CEMIP2: variants seen among roughly 807,000 people sequenced by gnomAD.
CEMIP2 encodes cell migration inducing hyaluronidase 2.
CEMIP2 carries 79 observed loss-of-function variants against 146.9 expected under a neutral mutation model. That is an observed-to-expected ratio of 0.54 (90% CI 0.45 to 0.65). The LOEUF (loss-of-function observed/expected upper bound fraction) is 0.65. Ranked by LOEUF, CEMIP2 falls within the 30% of genes least tolerant of loss-of-function variation. CEMIP2 has a pLI of 0.00. For missense variants in CEMIP2, 1,596 were observed against 1,696.2 expected, an observed-to-expected ratio of 0.94 and a Z score of 1.04; for synonymous variants, 601 against 606.3, an observed-to-expected ratio of 0.99 and a Z score of 0.13.
intron 20 of CEMIP2, among the ~76,000 whole-genome samples, chr9:71,697,218 T>C (rs1250445773): frequency 1.3e-5 from 2 of 152,214 alleles, no homozygotes; most frequent in Non-Finnish European, 2.9e-5. Context: ...GGGTCACACT[T>C]TGAGAACCAT....
chr9:71,694,112 T>C (rs1822315178), intron 21 of CEMIP2, among the ~76,000 whole-genome samples: 1 of 71,876 alleles, frequency 1.4e-5, no homozygotes, highest in Admixed American at 1.7e-4. Flanking sequence ...TATTTATTTA[T>C]TTATTTATTT....
In CEMIP2 at chr9:71,753,097, A is replaced by G. The variant is rs1034038889; in HGVS notation, c.-12-2712T>C. Among the ~76,000 whole-genome samples, 3 of 152,206 alleles carry G rather than the reference A, an allele frequency of 2.0e-5. No individual in the cohort carries two copies. In the East Asian group the frequency reaches 5.8e-4, roughly 29 times the overall value. On this transcript the variant is annotated intron_variant, in intron 1 of 23. Transcript: ENST00000377044. The stretch of plus-strand genomic sequence containing the variant: ...GAAAGAGTACAATAAAGACCCCGTT[A>G]TGATCCTCTCTGAACAAAGAAAGGG...
At chr9:71,726,463 T>C (rs1297437654) in intron 10 of CEMIP2, among the ~76,000 whole-genome samples, 2 of 152,230 alleles carry the variant, frequency 1.3e-5, no homozygotes, top group East Asian at 3.8e-4. Flanking sequence ...TAAAACTTAA[T>C]CATACAGTGT....
At chr9:71,763,223 G>A (rs1184933093) in intron 1 of CEMIP2, among the ~76,000 whole-genome samples, 5 of 151,998 alleles carry the variant, frequency 3.3e-5, no homozygotes, top group Non-Finnish European at 7.4e-5. Flanking sequence ...TCATTCTTCA[G>A]GGAAGTGAAT....
chr9:71,728,275 A>ATACG (rs1554684690), intron 10 of CEMIP2, among the ~76,000 whole-genome samples: 1 of 12,716 alleles, frequency 7.9e-5, no homozygotes, highest in African/African-American at 1.9e-4. Context: ...ATATATATAT[A>ATACG]TATATGTATA....
chr9:71,764,355 A>T (rs1453377723), intron 1 of CEMIP2, among the ~76,000 whole-genome samples: 1 of 152,048 alleles, frequency 6.6e-6, no homozygotes, highest in East Asian at 1.9e-4. Flanking sequence ...AAATTATCTG[A>T]TCATTAAACT....
chr9:71,701,225 C>A (rs1182111391), intron 18 of CEMIP2, among the ~76,000 whole-genome samples: 2 of 152,128 alleles, frequency 1.3e-5, no homozygotes, highest in African/African-American at 2.4e-5. Context: ...CCTGCCTCAG[C>A]CTCTCGAGTA....
Position 71,704,624 on chromosome 9 carries a change from A to C in CEMIP2, c.3165T>G (p.Thr1055=). ...TGAAGTTGACGAGGTATAGAAATGTAGTCCGTGGTGCCGGCCCATTCCAGT... is the reference window on the plus strand; with the variant it reads ...TGAAGTTGACGAGGTATAGAAATGTCGTCCGTGGTGCCGGCCCATTCCAGT... The part of the protein sequence containing the change: ...TIHWNGPAPR[T]TFLYLVNFNK... The change falls in exon 18 of 24, where the codon ACT becomes ACG. Residue 1055 remains threonine (T), a synonymous_variant. Transcript: ENST00000377044. 6.2e-7 allele frequency: 1 copy of C among 1,614,204 alleles called. No homozygotes were observed. Among genetic ancestry groups the C allele is most frequent in the East Asian group, 2.2e-5 (1 of 44,886 alleles).
intron 14 of CEMIP2, 65 bp downstream of exon 14, chr9:71,716,452 G>GAA: frequency 1.5e-6 from 2 of 1,322,244 alleles, no homozygotes; most frequent in Non-Finnish European, 2.1e-6. Flanking sequence ...TGTATTATCA[G>GAA]AAAAAAAAAT....
At chr9:71,729,728 G>A in intron 10 of CEMIP2, 117 bp downstream of exon 10, 1 of 969,154 alleles carries the variant, frequency 1.0e-6, no homozygotes, top group South Asian at 1.5e-5. Flanking sequence ...AGTAGTACCA[G>A]AAAACAATGT....
rs1467528219 is a variant in CEMIP2 at position 71,728,273 on chromosome 9, A to ACG, written c.2049+1571_2049+1572insCG. Among the ~76,000 whole-genome samples the ACG allele has an allele frequency of 3.0e-3, 29 of 9,612 alleles. 2 individuals carry two copies. The highest frequency in any genetic ancestry group is 5.7e-3 in the Admixed American group (3 of 530). The allele number at this position is 9,612 out of a possible 152,430, so 6.3% of individuals were successfully genotyped here. On this transcript the variant is annotated intron_variant, in intron 10 of 23. Coordinates refer to ENST00000377044, the MANE Select transcript of CEMIP2 (RefSeq NM_013390.3). ...TATGTATATACACGTATATATATAT[A>ACG]TATATATGTATATATATATATATAT...
intron 20 of CEMIP2, among the ~76,000 whole-genome samples, chr9:71,695,700 C>T (rs1478828946): frequency 1.3e-5 from 2 of 152,010 alleles, no homozygotes; most frequent in African/African-American, 4.8e-5. Flanking sequence ...AAAAAATAAA[C>T]AGTCAAAATG....
intron 4 of CEMIP2, among the ~76,000 whole-genome samples, chr9:71,743,285 G>A (rs993877825): frequency 2.6e-5 from 4 of 152,318 alleles, no homozygotes; most frequent in Admixed American, 2.6e-4. Context: ...GCATAGCAGA[G>A]GGGAGGAAGG....
intron 21 of CEMIP2, among the ~76,000 whole-genome samples, chr9:71,691,897 G>A (rs1822237911): frequency 6.6e-6 from 1 of 152,094 alleles, no homozygotes; most frequent in Non-Finnish European, 1.5e-5. Context: ...CCTGAGGTCA[G>A]GAGTTCAAGA....
chr9:71,752,474 AAGGAAGGGGGAGGGAAGGAGGG>A (rs1824283935), intron 1 of CEMIP2, among the ~76,000 whole-genome samples: 3 of 65,684 alleles, frequency 4.6e-5, no homozygotes, highest in Non-Finnish European at 9.3e-5. Context: ...GGAAGGAAGG[AAGGAAGGGGGAGGGAAGGAGGG>A]AGGAAGGGGA....
rs1823596592 is a variant in CEMIP2, at chr9:71,730,870, C to A, written c.1608G>T (p.Leu536Phe). Residue 536 changes from leucine (L) to phenylalanine (F), a missense_variant, in exon 8 of 24, where the codon TTG (leucine) becomes TTT (phenylalanine). Coordinates refer to ENST00000377044, the MANE Select transcript of CEMIP2 (RefSeq NM_013390.3). ...CCATCTGCTGCTGACCCATGTGTTTCAATTCCACATAAGAAAGATGGACTG... is the reference window on the plus strand; with the variant it reads ...CCATCTGCTGCTGACCCATGTGTTTAAATTCCACATAAGAAAGATGGACTG... Reference protein sequence around the residue: ...FTSVHLSYVELKHMGQQQMGR... With the variant: ...FTSVHLSYVEFKHMGQQQMGR... The A allele has an allele frequency of 6.2e-7, 1 of 1,614,148 alleles. No individual in the cohort carries two copies. The highest frequency in any genetic ancestry group is 8.5e-7 in the Non-Finnish European group (1 of 1,180,024).
At chr9:71,700,940 G>T in intron 18 of CEMIP2, 116 bp from the exon 19 acceptor site, 1 of 930,682 alleles carries the variant, frequency 1.1e-6, no homozygotes, top group Non-Finnish European at 1.5e-6. Flanking sequence ...CCTGCCCATA[G>T]TTTTCTCCTC....
intron 5 of CEMIP2, among the ~76,000 whole-genome samples, chr9:71,738,993 G>A (rs376484304): frequency 5.9e-5 from 9 of 152,160 alleles, no homozygotes; most frequent in Admixed American, 4.6e-4. Context: ...AGAAAATCCT[G>A]TCTCGGATTA....
At chr9:71,720,761 A>G (rs957983202) in intron 12 of CEMIP2, among the ~76,000 whole-genome samples, 1 of 152,236 alleles carries the variant, frequency 6.6e-6, no homozygotes, top group East Asian at 1.9e-4. Context: ...TAGTCTAAAC[A>G]CTAGTTCAGT....
Sources: allele counts gnomAD v4.1 joint callset (sites outside exome capture counted in the v4.1 genomes callset), GRCh38; gene constraint gnomAD v4.1.1; transcripts MANE v1.5; gene names NCBI Gene and HGNC (gene_info 2026-07-23, HGNC 2026-07-21).